GPHN: variants seen among roughly 807,000 people sequenced by gnomAD.
GPHN encodes gephyrin.
Under a neutral mutation model 95.5 loss-of-function variants are expected in GPHN, and 17 were observed. That is an observed-to-expected ratio of 0.18 (90% CI 0.12 to 0.27). GPHN has a LOEUF of 0.27. GPHN is among the 10% of genes least tolerant of loss of function. GPHN has a pLI of 1.00. For missense variants in GPHN, 660 were observed against 978.1 expected (o/e 0.67, Z 4.34); for synonymous variants, 320 against 322.5 (o/e 0.99, Z 0.08).
At chr14:66,792,809 C>T (rs1172519820) in intron 3 of GPHN, among the ~76,000 whole-genome samples, 1 of 152,204 alleles carries the variant, frequency 6.6e-6, no homozygotes, top group East Asian at 1.9e-4. Context: ...AGCTGAGAGC[C>T]TGAACAGAGA....
chr14:67,618,622 C>T, the GPHN span, among the ~76,000 whole-genome samples: 1 of 152,054 alleles, frequency 6.6e-6, no homozygotes, highest in African/African-American at 2.4e-5. Flanking sequence ...CTCAGGAGAT[C>T]CTCCTGCCTT....
In GPHN at chr14:67,136,332, A is replaced by G. The variant is rs189955310; in HGVS notation, c.1749-7030A>G. Reference sequence around the variant, plus strand: ...AATTCCTGAATTAGCAAAGCACAAAATGGCAAGCTGCTAGTCTTCTATTAA... The same window carrying G: ...AATTCCTGAATTAGCAAAGCACAAAGTGGCAAGCTGCTAGTCTTCTATTAA... On this transcript the variant is annotated intron_variant, in intron 17 of 22. Coordinates refer to ENST00000478722, the MANE Select transcript of GPHN (RefSeq NM_020806.5). 1.6e-3 allele frequency among the ~76,000 whole-genome samples: 239 copies of G among 152,320 alleles called. 1 individual carries two copies. The highest frequency in any genetic ancestry group is 2.0e-3 in the Non-Finnish European group (136 of 68,026).
chr14:67,726,497 T>C, the GPHN span, among the ~76,000 whole-genome samples: 3 of 152,208 alleles, frequency 2.0e-5, no homozygotes, highest in African/African-American at 7.2e-5. Context: ...ATCTACATGA[T>C]GGCCAACCAA....
the GPHN span, chr14:67,301,868 T>C: frequency 2.4e-6 from 3 of 1,264,116 alleles, no homozygotes; most frequent in Non-Finnish European, 3.2e-6. Flanking sequence ...ATTATAACAC[T>C]TTTAAAGATT....
chr14:67,253,226 A>C, the GPHN span, among the ~76,000 whole-genome samples: 1 of 152,218 alleles, frequency 6.6e-6, no homozygotes, highest in African/African-American at 2.4e-5. Context: ...GAGATGGTAC[A>C]TCAAGAATGG....
chr14:67,690,907 T>C, the GPHN span: 1 of 527,130 alleles, frequency 1.9e-6, no homozygotes, highest in Non-Finnish European at 3.4e-6. Context: ...AATTAGTCTG[T>C]TAAAAAATGC....
chr14:67,403,413 T>G, the GPHN span, among the ~76,000 whole-genome samples: 1 of 152,318 alleles, frequency 6.6e-6, no homozygotes, highest in East Asian at 1.9e-4. Flanking sequence ...TAGAAACATC[T>G]TCAAACAGAA....
chr14:67,575,394 A>G, the GPHN span: 1 of 1,597,972 alleles, frequency 6.3e-7, no homozygotes, highest in South Asian at 1.1e-5. Context: ...TCTTACAGGT[A>G]AAGCATGGCC....
chr14:67,078,129 G>A lies in GPHN; in HGVS notation c.1145-10854G>A, dbSNP rs79325533. On this transcript the variant is annotated intron_variant, in intron 11 of 22. Coordinates refer to ENST00000478722, the MANE Select transcript of GPHN (RefSeq NM_020806.5). ...ATGAAAGCAGGACCATAGCTTCTTG[G>A]CACACAGCCTAACCTTCAGCAAAAT... Among the ~76,000 whole-genome samples the A allele has an allele frequency of 1.7e-3, 254 of 152,208 alleles. 6 individuals carry two copies. The East Asian group carries it at 0.044, about 27-fold the overall frequency.
chr14:67,393,696 C>T, the GPHN span, among the ~76,000 whole-genome samples: 9 of 152,072 alleles, frequency 5.9e-5, no homozygotes, highest in Admixed American at 1.3e-4. Context: ...TCAAGTGATC[C>T]GCCTGCCTCA....
At chr14:66,927,881 A>G (rs2066569073) in intron 8 of GPHN, among the ~76,000 whole-genome samples, 1 of 152,150 alleles carries the variant, frequency 6.6e-6, no homozygotes, top group South Asian at 2.1e-4. Context: ...CATCCCTGGG[A>G]TGAATCGCAC....
intron 5 of GPHN, among the ~76,000 whole-genome samples, chr14:66,881,609 G>T (rs1220355774): frequency 6.6e-6 from 1 of 151,886 alleles, no homozygotes; most frequent in Non-Finnish European, 1.5e-5. Context: ...TTTAAATGGA[G>T]AAATTATTTC....
intron 11 of GPHN, among the ~76,000 whole-genome samples, chr14:67,067,615 C>A (rs1211350086): frequency 1.3e-5 from 2 of 152,234 alleles, no homozygotes; most frequent in African/African-American, 4.8e-5. Flanking sequence ...CCGCCCAGTT[C>A]AAGCTTCCTG....
intron 8 of GPHN, among the ~76,000 whole-genome samples, chr14:66,940,517 A>G (rs1016905601): frequency 2.0e-5 from 3 of 152,194 alleles, no homozygotes; most frequent in African/African-American, 7.2e-5. Flanking sequence ...AGGGGGAGCT[A>G]AGGGGTGGGA....
At chr14:67,653,570 A>G in the GPHN span, 1 of 1,349,802 alleles carries the variant, frequency 7.4e-7, no homozygotes, top group Non-Finnish European at 1.0e-6. Flanking sequence ...TCCCTAGATT[A>G]ACAGTAGGCA....
At chr14:67,302,488 C>T in the GPHN span, 2 of 1,598,550 alleles carry the variant, frequency 1.3e-6, no homozygotes, top group African/African-American at 2.7e-5. Flanking sequence ...GAAAAGTGGT[C>T]TGTTGCATGA....
chr14:66,929,696 G>A (rs2066675057), intron 8 of GPHN, among the ~76,000 whole-genome samples: 1 of 149,992 alleles, frequency 6.7e-6, no homozygotes, highest in African/African-American at 2.4e-5. Flanking sequence ...TTCTCAGTCT[G>A]TGTGTGCTTT....
the GPHN span, chr14:67,590,257 T>TTC: frequency 8.6e-7 from 1 of 1,165,642 alleles, no homozygotes; most frequent in South Asian, 1.7e-5. Context: ...AAATTTTTTT[T>TTC]TTTTTTTTTT....
At chr14:67,102,382 C>T (rs188851684) in intron 13 of GPHN, among the ~76,000 whole-genome samples, 12 of 151,616 alleles carry the variant, frequency 7.9e-5, no homozygotes, top group Admixed American at 6.6e-4. Flanking sequence ...AAAGTGGCAG[C>T]GGGCGTGGTG....
Sources: allele counts gnomAD v4.1 joint callset (sites outside exome capture counted in the v4.1 genomes callset), GRCh38; gene constraint gnomAD v4.1.1; transcripts MANE v1.5; gene names NCBI Gene and HGNC (gene_info 2026-07-23, HGNC 2026-07-21).